Variants in LIN7A observed in about 807,000 individuals in gnomAD.
LIN7A encodes lin-7 cell polarity scaffold A.
Under a neutral mutation model 29.8 loss-of-function variants are expected in LIN7A, and 25 were observed. That is an observed-to-expected ratio of 0.84 (90% CI 0.61 to 1.17). The LOEUF (loss-of-function observed/expected upper bound fraction) is 1.17. LIN7A is among the 50% of genes most tolerant of loss of function. The pLI, the probability that LIN7A is intolerant of heterozygous loss-of-function variation, is 0.00. For synonymous variants in LIN7A, 118 were observed against 107.5 expected, an observed-to-expected ratio of 1.10 and a Z score of -0.60; for missense variants, 239 against 287.0, an observed-to-expected ratio of 0.83 and a Z score of 1.21.
chr12:80,846,779 A>G (rs1177580322), intron 3 of LIN7A, among the ~76,000 whole-genome samples: 1 of 152,230 alleles, frequency 6.6e-6, no homozygotes, highest in Non-Finnish European at 1.5e-5. Context: ...AAATGAGTTC[A>G]AGAAAACAAC....
At position 80,793,964 on chromosome 12, in the gene LIN7A, C is replaced by A. The variant is rs114677717; in HGVS notation, c.*3763G>T. ...CAACTCAGCATAAAAACTCTGTATCCCCAAACATTGTTCCTTATCCACTGT... is the reference window on the plus strand; with the variant it reads ...CAACTCAGCATAAAAACTCTGTATCACCAAACATTGTTCCTTATCCACTGT... On this transcript the variant is annotated 3_prime_UTR_variant, in exon 6 of 6. Coordinates refer to ENST00000552864, the MANE Select transcript of LIN7A (RefSeq NM_004664.4). 338 of 152,090 alleles carry A rather than the reference C, an allele frequency of 2.2e-3. 3 individuals are homozygous for A. Among genetic ancestry groups the A allele is most frequent in the African/African-American group, 8.0e-3 (330 of 41,506 alleles). 9.4% of individuals were successfully genotyped at this position (152,090 alleles called of 1,614,324 possible). A position where few individuals can be genotyped will look rare whatever the true frequency, so the allele number is the denominator to read the frequency against.
chr12:80,913,148 A>T (rs1876851673), intron 1 of LIN7A, among the ~76,000 whole-genome samples: 1 of 152,028 alleles, frequency 6.6e-6, no homozygotes, highest in Non-Finnish European at 1.5e-5. Context: ...TCTCTTCCAG[A>T]CTCCATATTC....
At chr12:80,899,158 A>G (rs940022365) in intron 1 of LIN7A, among the ~76,000 whole-genome samples, 1 of 152,114 alleles carries the variant, frequency 6.6e-6, no homozygotes, top group Non-Finnish European at 1.5e-5. Flanking sequence ...CGTTTCCTCA[A>G]TGCCCAGTTT....
intron 1 of LIN7A, among the ~76,000 whole-genome samples, chr12:80,898,830 T>C (rs977358363): frequency 6.6e-6 from 1 of 152,164 alleles, no homozygotes; most frequent in African/African-American, 2.4e-5. Flanking sequence ...TTGCGCATTG[T>C]TTTTGTATCC....
chr12:80,794,059 T>G lies in LIN7A; in HGVS notation c.*3668A>C, dbSNP rs1870331648. On this transcript the variant is annotated 3_prime_UTR_variant, in exon 6 of 6. Transcript: ENST00000552864. Reference sequence around the variant, plus strand: ...ATTTCAAATTCATACATCTAAAAAGTTTTTATATAGACTCAAAATATGGTT... The same window carrying G: ...ATTTCAAATTCATACATCTAAAAAGGTTTTATATAGACTCAAAATATGGTT... The G allele has an allele frequency of 6.7e-6, 1 of 150,094 alleles. No homozygotes were observed. The highest frequency in any genetic ancestry group is 2.5e-5 in the African/African-American group (1 of 39,440). The allele number at this position is 150,094 out of a possible 1,614,324, so 9.3% of individuals were successfully genotyped here. A position where few individuals can be genotyped will look rare whatever the true frequency, so the allele number is the denominator to read the frequency against.
chr12:80,905,612 C>A (rs1876438741), intron 1 of LIN7A, among the ~76,000 whole-genome samples: 1 of 152,012 alleles, frequency 6.6e-6, no homozygotes, highest in Admixed American at 6.6e-5. Flanking sequence ...CTAATTTTTC[C>A]CACTAACAGT....
intron 2 of LIN7A, among the ~76,000 whole-genome samples, chr12:80,874,988 G>A (rs930597111): frequency 4.6e-5 from 7 of 152,130 alleles, no homozygotes; most frequent in African/African-American, 7.2e-5. Flanking sequence ...GTGACAGAGC[G>A]AGATTCTGTC....
intron 5 of LIN7A, among the ~76,000 whole-genome samples, chr12:80,807,217 G>A (rs781002806): frequency 9.2e-5 from 14 of 151,586 alleles, no homozygotes; most frequent in African/African-American, 1.9e-4. Flanking sequence ...GACTACAGGC[G>A]CCCGCCACCA....
Position 80,842,177 on chromosome 12 carries a change from T to G in LIN7A, c.483+3553A>C, listed in dbSNP as rs189698137. 6.4e-6 allele frequency: 8 copies of G among 1,246,794 alleles called. No individual in the cohort carries two copies. The Admixed American group carries it at 1.2e-4, about 19-fold the overall frequency. The allele number at this position is 1,246,794 out of a possible 1,614,324, so 77.2% of individuals were successfully genotyped here. A position where few individuals can be genotyped will look rare whatever the true frequency, so the allele number is the denominator to read the frequency against. On this transcript the variant is annotated intron_variant, in intron 4 of 5. Coordinates refer to ENST00000552864, the MANE Select transcript of LIN7A (RefSeq NM_004664.4). The stretch of plus-strand genomic sequence containing the variant: ...CAATTGCTGTATTTTGTCTTTATTT[T>G]TATTTATTGATTTCCCCCCCTTTCC...
At chr12:80,912,415 C>G (rs1276450194) in intron 1 of LIN7A, among the ~76,000 whole-genome samples, 1 of 151,946 alleles carries the variant, frequency 6.6e-6, no homozygotes, top group East Asian at 1.9e-4. Context: ...CATAGATCTC[C>G]TTTTAAAAAT....
intron 4 of LIN7A, among the ~76,000 whole-genome samples, chr12:80,819,211 C>T (rs1002968702): frequency 6.6e-6 from 1 of 152,046 alleles, no homozygotes; most frequent in African/African-American, 2.4e-5. Flanking sequence ...TTAAACCATC[C>T]TAAATATGTA....
At chr12:80,901,423 T>A (rs945120323) in intron 1 of LIN7A, among the ~76,000 whole-genome samples, 5 of 152,212 alleles carry the variant, frequency 3.3e-5, no homozygotes, top group African/African-American at 2.4e-5. Context: ...GCTGGCATGT[T>A]AAAATGCAAG....
chr12:80,811,770 A>T, intron 4 of LIN7A, 87 bp from the exon 5 acceptor site: 1 of 1,479,730 alleles, frequency 6.8e-7, no homozygotes, highest in South Asian at 1.3e-5. Context: ...CACATTAAGA[A>T]CCCAAAATTT....
chr12:80,907,846 A>T (rs970509472), intron 1 of LIN7A, among the ~76,000 whole-genome samples: 70 of 152,258 alleles, frequency 4.6e-4, no homozygotes, highest in African/African-American at 1.7e-3. Context: ...GTAAAAGAAA[A>T]AGAATTATTT....
chr12:80,878,301 G>A (rs1874825390), intron 2 of LIN7A, among the ~76,000 whole-genome samples: 1 of 152,192 alleles, frequency 6.6e-6, no homozygotes, highest in South Asian at 2.1e-4. Context: ...TTTACTCAGA[G>A]AAAGCTGCAG....
At chr12:80,917,900 T>A (rs775841151) in intron 1 of LIN7A, among the ~76,000 whole-genome samples, 3 of 152,226 alleles carry the variant, frequency 2.0e-5, no homozygotes, top group Non-Finnish European at 2.9e-5. Flanking sequence ...AATGTTTAAT[T>A]GTGAGCACAC....
intron 4 of LIN7A, among the ~76,000 whole-genome samples, chr12:80,825,701 G>A (rs1872032634): frequency 6.6e-6 from 1 of 152,068 alleles, no homozygotes; most frequent in African/African-American, 2.4e-5. Flanking sequence ...AAGTATCATG[G>A]GCAATGACAT....
At chr12:80,877,871 A>G (rs1462311288) in intron 2 of LIN7A, among the ~76,000 whole-genome samples, 3 of 151,902 alleles carry the variant, frequency 2.0e-5, no homozygotes, top group Non-Finnish European at 4.4e-5. Flanking sequence ...CTGGGAAGAA[A>G]AAAAAAAAAA....
intron 4 of LIN7A, among the ~76,000 whole-genome samples, chr12:80,833,129 T>A (rs2121528943): frequency 6.6e-6 from 1 of 152,326 alleles, no homozygotes; most frequent in East Asian, 1.9e-4. Flanking sequence ...GTTAATTAAA[T>A]TTACATCTTG....
Sources: allele counts gnomAD v4.1 joint callset (sites outside exome capture counted in the v4.1 genomes callset), GRCh38; gene constraint gnomAD v4.1.1; transcripts MANE v1.5; gene names NCBI Gene and HGNC (gene_info 2026-07-23, HGNC 2026-07-21).